Variants in INTS9 observed in about 807,000 individuals in gnomAD.
INTS9 encodes the protein integrator complex subunit 9, also known as protein related to CPSF subunits of 74 kDa.
In INTS9, 55 loss-of-function variants were observed where a neutral mutation model predicts 79.7. The ratio of observed to expected loss-of-function variants is 0.69; its 90% confidence interval spans 0.56 to 0.86. INTS9 has a LOEUF of 0.86. Ranked by LOEUF, INTS9 falls within the 40% of genes least tolerant of loss-of-function variation. The pLI, the probability that INTS9 is intolerant of heterozygous loss-of-function variation, is 0.00. For synonymous variants in INTS9, 319 were observed against 325.2 expected, an observed-to-expected ratio of 0.98 and a Z score of 0.20; for missense variants, 721 against 831.5, an observed-to-expected ratio of 0.87 and a Z score of 1.64.
At position 28,768,337 on chromosome 8, in the gene INTS9, A is replaced by C; in HGVS notation, c.1801-15T>G. On this transcript the variant is annotated splice_polypyrimidine_tract_variant and intron_variant, in intron 16 of 16. Coordinates refer to ENST00000521022, the MANE Select transcript of INTS9 (RefSeq NM_018250.4). Reference sequence around the variant, plus strand: ...CTGAAGCCATGCTGCTCCAGAAGAAAAGAAAGAGGTGGGCTGGGCAGACTG... The same window carrying C: ...CTGAAGCCATGCTGCTCCAGAAGAACAGAAAGAGGTGGGCTGGGCAGACTG... 6.2e-7 allele frequency: 1 copy of C among 1,611,632 alleles called. No individual in the cohort carries two copies. The highest frequency in any genetic ancestry group is 2.2e-5 in the East Asian group (1 of 44,886).
intron 16 of INTS9, 131 bp downstream of exon 16, chr8:28,769,754 CCAAA>C: frequency 8.4e-7 from 1 of 1,184,930 alleles, no homozygotes. Flanking sequence ...GGACCTTAGA[CCAAA>C]CAGATGCCAC....
At chr8:28,857,547 A>G (rs1304243747) in intron 2 of INTS9, among the ~76,000 whole-genome samples, 1 of 152,262 alleles carries the variant, frequency 6.6e-6, no homozygotes, top group Non-Finnish European at 1.5e-5. Flanking sequence ...GTGAATGATT[A>G]TAATTAAATG....
At chr8:28,790,760 C>T (rs1803876956) in intron 10 of INTS9, among the ~76,000 whole-genome samples, 1 of 152,228 alleles carries the variant, frequency 6.6e-6, no homozygotes, top group Admixed American at 6.5e-5. Flanking sequence ...ATCCTCTCCC[C>T]AGACAATCCC....
intron 6 of INTS9, among the ~76,000 whole-genome samples, chr8:28,814,877 G>T (rs992096817): frequency 1.3e-5 from 2 of 152,140 alleles, no homozygotes; most frequent in Non-Finnish European, 2.9e-5. Flanking sequence ...CTAACGCAGA[G>T]GATTCCACAA....
In INTS9 at chr8:28,855,084, A is replaced by G. The variant is rs182909366; in HGVS notation, c.137+4352T>C. On this transcript the variant is annotated intron_variant, in intron 2 of 16. Transcript: ENST00000521022. The stretch of plus-strand genomic sequence containing the variant: ...CACATGGAACTTTGAGCAGATTCCA[A>G]GACACTCCCTCCCAGTCCCCATCCA... Among the ~76,000 whole-genome samples the G allele has an allele frequency of 2.4e-4, 36 of 152,262 alleles. No individual in the cohort carries two copies. In the East Asian group the frequency reaches 4.8e-3, roughly 20 times the overall value.
At chr8:28,826,541 A>T (rs1806156020) in intron 6 of INTS9, among the ~76,000 whole-genome samples, 1 of 151,954 alleles carries the variant, frequency 6.6e-6, no homozygotes, top group African/African-American at 2.4e-5. Context: ...GCTCCAAGTG[A>T]CCCCTACCCA....
intron 2 of INTS9, among the ~76,000 whole-genome samples, chr8:28,858,859 C>A (rs1808307917): frequency 6.6e-6 from 1 of 152,204 alleles, no homozygotes; most frequent in Non-Finnish European, 1.5e-5. Flanking sequence ...GCCACTTCTT[C>A]TATAAACTGT....
intron 1 of INTS9, among the ~76,000 whole-genome samples, chr8:28,860,752 G>C (rs943092872): frequency 9.9e-5 from 15 of 152,200 alleles, no homozygotes; most frequent in African/African-American, 9.7e-5. Flanking sequence ...AAAGTGCTGG[G>C]GTTATAGGCG....
intron 10 of INTS9, among the ~76,000 whole-genome samples, chr8:28,789,514 T>A (rs241184): frequency 0.77 from 113,983 of 148,484 alleles, 43,067 homozygotes; most frequent in African/African-American, 0.84. Context: ...CGCTTCTAGG[T>A]TTATCTCTAA....
chr8:28,862,291 C>A, intron 1 of INTS9: 1 of 902,266 alleles, frequency 1.1e-6, no homozygotes, highest in Non-Finnish European at 1.3e-6. Flanking sequence ...TTTTTATATT[C>A]CATCTTTTTT....
At chr8:28,770,443 T>G (rs909915182) in intron 15 of INTS9, among the ~76,000 whole-genome samples, 17 of 152,160 alleles carry the variant, frequency 1.1e-4, no homozygotes, top group African/African-American at 4.1e-4. Flanking sequence ...TTAGAGAAGC[T>G]GCCTACGAAA....
chr8:28,869,335 C>T (rs1229074082), intron 1 of INTS9, among the ~76,000 whole-genome samples: 1 of 152,146 alleles, frequency 6.6e-6, no homozygotes, highest in Non-Finnish European at 1.5e-5. Context: ...TCTGAGCCAC[C>T]ATGCCCAGCC....
chr8:28,818,101 G>A (rs1805607771), intron 6 of INTS9, among the ~76,000 whole-genome samples: 1 of 144,562 alleles, frequency 6.9e-6, no homozygotes, highest in Admixed American at 7.0e-5. Flanking sequence ...CTGCAAACAG[G>A]GACAATTTGA....
intron 4 of INTS9, among the ~76,000 whole-genome samples, chr8:28,842,973 GT>G (rs1423334508): frequency 6.6e-6 from 1 of 152,132 alleles, no homozygotes; most frequent in African/African-American, 2.4e-5. Flanking sequence ...GTGATGGTGT[GT>G]TTATGGCATT....
Position 28,878,644 on chromosome 8 carries a change from A to T in INTS9, c.9+11230T>A, listed in dbSNP as rs577287190. On this transcript the variant is annotated intron_variant, in intron 1 of 16. Transcript: ENST00000521022. ...GCCTTCACTGTTTTTTTTTTTTTAAAAAAAAAACAAAACAAAAAACTCTTG... is the reference window on the plus strand; with the variant it reads ...GCCTTCACTGTTTTTTTTTTTTTAATAAAAAAACAAAACAAAAAACTCTTG... Among the ~76,000 whole-genome samples the T allele has an allele frequency of 6.9e-3, 1,032 of 150,072 alleles. 17 individuals are homozygous for T. The highest frequency in any genetic ancestry group is 0.024 in the African/African-American group (975 of 40,402).
chr8:28,873,929 C>G (rs1809225902), intron 1 of INTS9, among the ~76,000 whole-genome samples: 1 of 152,206 alleles, frequency 6.6e-6, no homozygotes, highest in South Asian at 2.1e-4. Context: ...TCTTCTCATA[C>G]TATATCATCA....
At chr8:28,834,617 G>C in intron 6 of INTS9, among the ~76,000 whole-genome samples, 1 of 151,398 alleles carries the variant, frequency 6.6e-6, no homozygotes, top group African/African-American at 2.4e-5. Context: ...GTCCTTCTCA[G>C]CCTTCCTAAG....
In INTS9 at chr8:28,786,728, CTTTTTTTG is replaced by C. The variant is rs560190584; in HGVS notation, c.1098+1093_1098+1100del. Among the ~76,000 whole-genome samples, 688 of 151,834 alleles carry C rather than the reference CTTTTTTTG, an allele frequency of 4.5e-3. 2 individuals are homozygous for C. The highest frequency in any genetic ancestry group is 6.8e-3 in the Middle Eastern group (2 of 294). On this transcript the variant is annotated intron_variant, in intron 11 of 16. Transcript: ENST00000521022. The stretch of plus-strand genomic sequence containing the variant: ...CAGATACTGTCAGTTTTCTTTTTTT[CTTTTTTTG>C]AGACGGAGTCTCACTCTGTGACCCA...
chr8:28,803,005 G>C (rs1804610100), intron 8 of INTS9, among the ~76,000 whole-genome samples: 2 of 151,930 alleles, frequency 1.3e-5, no homozygotes, highest in Non-Finnish European at 2.9e-5. Context: ...CCAGCTATTT[G>C]GGAGGCTGAG....
Sources: gnomAD v4.1 joint callset for allele counts (sites outside exome capture counted in the v4.1 genomes callset) on GRCh38, gnomAD v4.1.1 for gene constraint, MANE v1.5 for transcripts, NCBI Gene and HGNC (gene_info 2026-07-23, HGNC 2026-07-21) for gene names.